PTPN9: variants seen among roughly 807,000 people sequenced by gnomAD.
PTPN9 encodes protein tyrosine phosphatase non-receptor type 9, also known as tyrosine-protein phosphatase non-receptor type 9.
PTPN9 carries 26 observed loss-of-function variants against 69.8 expected under a neutral mutation model. The observed-to-expected ratio is 0.37, with a 90% CI of 0.27 to 0.52. PTPN9 has a LOEUF of 0.52. Ranked by LOEUF, PTPN9 falls within the 20% of genes least tolerant of loss-of-function variation. The probability of loss-of-function intolerance (pLI) is 0.91; values close to 1 mark genes in which losing one functional copy is unlikely to be tolerated. For missense variants in PTPN9, 549 were observed against 740.3 expected, an observed-to-expected ratio of 0.74 and a Z score of 3.00; for synonymous variants, 274 against 272.5, an observed-to-expected ratio of 1.01 and a Z score of -0.05.
intron 1 of PTPN9, among the ~76,000 whole-genome samples, chr15:75,548,711 G>A (rs2075044647): frequency 7.0e-6 from 1 of 143,560 alleles, no homozygotes; most frequent in Non-Finnish European, 1.5e-5. Context: ...TGGAGTGCAG[G>A]GGCGCGATCT....
intron 7 of PTPN9, among the ~76,000 whole-genome samples, 189 bp downstream of exon 7, chr15:75,505,482 GAAAA>G (rs896104350): frequency 7.1e-6 from 1 of 141,168 alleles, no homozygotes; most frequent in African/African-American, 2.6e-5. Context: ...AAAAAAAAAA[GAAAA>G]AAAAAAAGAA....
intron 1 of PTPN9, among the ~76,000 whole-genome samples, chr15:75,576,271 C>T (rs1291970021): frequency 1.3e-5 from 2 of 151,948 alleles, no homozygotes; most frequent in African/African-American, 2.4e-5. Flanking sequence ...GTGGCTCACA[C>T]CTGTGATCCC....
intron 1 of PTPN9, among the ~76,000 whole-genome samples, chr15:75,540,175 T>A (rs879308367): frequency 6.6e-6 from 1 of 152,172 alleles, no homozygotes; most frequent in Non-Finnish European, 1.5e-5. Context: ...TTACAAAAGT[T>A]TAGTCCATTG....
chr15:75,487,220 G>A (rs910748650), intron 8 of PTPN9: 1 of 150,484 alleles, frequency 6.6e-6, no homozygotes, highest in Non-Finnish European at 1.5e-5. Flanking sequence ...TCAGAAAACA[G>A]AATGGAAAAA....
chr15:75,558,762 C>A (rs1468434078), intron 1 of PTPN9, among the ~76,000 whole-genome samples: 1 of 152,182 alleles, frequency 6.6e-6, no homozygotes, highest in Non-Finnish European at 1.5e-5. Flanking sequence ...AGCTCCTAAC[C>A]GCGAGTGATC....
At chr15:75,549,389 C>T (rs1420388717) in intron 1 of PTPN9, among the ~76,000 whole-genome samples, 2 of 151,664 alleles carry the variant, frequency 1.3e-5, no homozygotes, top group Non-Finnish European at 2.9e-5. Flanking sequence ...TTTGTAGAGA[C>T]GAGGTTTCAC....
chr15:75,533,528 T>C lies in PTPN9; in HGVS notation c.64-6267A>G, dbSNP rs112658336. Among the ~76,000 whole-genome samples, 860 of 152,288 alleles carry C rather than the reference T, an allele frequency of 5.6e-3. 7 individuals are homozygous for C. Among genetic ancestry groups the C allele is most frequent in the African/African-American group, 0.019 (800 of 41,548 alleles). On this transcript the variant is annotated intron_variant, in intron 1 of 12. Coordinates refer to ENST00000618819, the MANE Select transcript of PTPN9 (RefSeq NM_002833.4). Reference sequence around the variant, plus strand: ...CACCTGCCTCAGCCTCCCAAAGTGCTGGAATTACAGGCATGAGCCACCGTG... The same window carrying C: ...CACCTGCCTCAGCCTCCCAAAGTGCCGGAATTACAGGCATGAGCCACCGTG...
chr15:75,474,636 C>T (rs972970143), intron 9 of PTPN9, among the ~76,000 whole-genome samples: 2 of 152,220 alleles, frequency 1.3e-5, no homozygotes, highest in South Asian at 4.1e-4. Flanking sequence ...CCATTTCCTT[C>T]ATCTCCCAGA....
rs8024614 is a variant in PTPN9 at position 75,530,134 on chromosome 15, G to T, written c.64-2873C>A. On this transcript the variant is annotated intron_variant, in intron 1 of 12. Coordinates refer to ENST00000618819, the MANE Select transcript of PTPN9 (RefSeq NM_002833.4). ...GAAGAATCGCTTGAACCAGGAGGTG[G>T]GGTTGTAGTGAGCCAAGATCGCACC... Among the ~76,000 whole-genome samples the T allele has an allele frequency of 3.4e-5, 5 of 147,264 alleles. No homozygotes were observed. In the Admixed American group the frequency reaches 3.4e-4, roughly 10 times the overall value.
At chr15:75,568,042 GC>G (rs1343660128) in intron 1 of PTPN9, among the ~76,000 whole-genome samples, 33 of 150,552 alleles carry the variant, frequency 2.2e-4, no homozygotes, top group Non-Finnish European at 7.4e-5. Context: ...TATCTCAGAA[GC>G]ATAAATTAAA....
chr15:75,578,778 C>T lies in PTPN9; in HGVS notation c.-2G>A, dbSNP rs1289618263. On this transcript the variant is annotated 5_prime_UTR_variant, in exon 1 of 13. Transcript: ENST00000618819. ...CCGGGGCGCGGTCGCGGGCTCCATC[C>T]CCCCGCCACCGCCGCCGGGCGGACA... 4 of 1,243,798 alleles carry T rather than the reference C, an allele frequency of 3.2e-6. No individual in the cohort carries two copies. Among genetic ancestry groups the T allele is most frequent in the East Asian group, 3.3e-5 (1 of 30,134 alleles). 77.0% of individuals were successfully genotyped at this position (1,243,798 alleles called of 1,614,324 possible).
Position 75,527,151 on chromosome 15 carries a change from C to T in PTPN9, c.174G>A (p.Val58=), listed in dbSNP as rs1007146413. Residue 58 remains valine, a synonymous_variant, in exon 2 of 13, where the codon GTG becomes GTA. Transcript: ENST00000618819. ...VKFLMARKFD[V]LRAIELFHSY... ...AGTGGAACAATTCTATGGCACGGAG[C>T]ACATCAAACTTCCTTGCCATGAGGA... 3.7e-6 allele frequency: 6 copies of T among 1,614,062 alleles called. No homozygotes were observed. Among genetic ancestry groups the T allele is most frequent in the African/African-American group, 1.3e-5 (1 of 74,912 alleles).
At chr15:75,485,529 C>T (rs538461927) in intron 8 of PTPN9, among the ~76,000 whole-genome samples, 82 of 150,312 alleles carry the variant, frequency 5.5e-4, no homozygotes, top group South Asian at 3.8e-3. Flanking sequence ...CCACCGCGCC[C>T]GGCTAATTTT....
chr15:75,494,204 A>G (rs1251018492), intron 7 of PTPN9, among the ~76,000 whole-genome samples: 3 of 150,606 alleles, frequency 2.0e-5, no homozygotes, highest in South Asian at 4.2e-4. Flanking sequence ...GAGAACTAAC[A>G]TAATACAAGG....
chr15:75,543,741 T>G (rs1294963369), intron 1 of PTPN9, among the ~76,000 whole-genome samples: 2 of 151,882 alleles, frequency 1.3e-5, no homozygotes, highest in Non-Finnish European at 2.9e-5. Context: ...CTCAAAAAAA[T>G]AACAATAAAA....
chr15:75,545,595 A>G (rs981410429), intron 1 of PTPN9, among the ~76,000 whole-genome samples: 1 of 152,208 alleles, frequency 6.6e-6, no homozygotes, highest in African/African-American at 2.4e-5. Context: ...TTCCCTGCCA[A>G]TATCTTAACG....
chr15:75,546,621 C>T (rs1249671696), intron 1 of PTPN9, among the ~76,000 whole-genome samples: 4 of 150,762 alleles, frequency 2.7e-5, no homozygotes, highest in East Asian at 2.0e-4. Flanking sequence ...CTAGCCTGGG[C>T]GACAGAGCAA....
intron 1 of PTPN9, among the ~76,000 whole-genome samples, chr15:75,559,640 G>GC (rs1157653437): frequency 6.6e-6 from 1 of 151,954 alleles, no homozygotes; most frequent in African/African-American, 2.4e-5. Flanking sequence ...ACTGCGGAAG[G>GC]CCGCAGGGTC....
Position 75,530,688 on chromosome 15 carries a change from T to A in PTPN9, c.64-3427A>T, listed in dbSNP as rs1404155451. Among the ~76,000 whole-genome samples the A allele has an allele frequency of 1.5e-4, 5 of 34,306 alleles. 1 individual carries two copies. The highest frequency in any genetic ancestry group is 2.2e-4 in the Non-Finnish European group (5 of 22,290). 22.5% of individuals were successfully genotyped at this position (34,306 alleles called of 152,430 possible). ...TATACTATTATATATATTATTATAT[T>A]ATAATATATATAATATATATTATTA... is the stretch of plus-strand genomic sequence containing the variant. On this transcript the variant is annotated intron_variant, in intron 1 of 12. Coordinates refer to ENST00000618819, the MANE Select transcript of PTPN9 (RefSeq NM_002833.4).
Sources: allele counts gnomAD v4.1 joint callset (sites outside exome capture counted in the v4.1 genomes callset), GRCh38; gene constraint gnomAD v4.1.1; transcripts MANE v1.5; gene names NCBI Gene and HGNC (gene_info 2026-07-23, HGNC 2026-07-21).